SMARCAD1: variants seen among roughly 807,000 people sequenced by gnomAD.
SMARCAD1 encodes the protein SWI/SNF-related matrix-associated actin-dependent regulator of chromatin subfamily A containing DEAD/H box 1.
In SMARCAD1, 25 loss-of-function variants were observed where a neutral mutation model predicts 127.1. The ratio of observed to expected loss-of-function variants is 0.20; its 90% CI spans 0.14 to 0.27. The LOEUF (loss-of-function observed/expected upper bound fraction) is 0.27. Ranked by LOEUF, SMARCAD1 falls within the 10% of genes least tolerant of loss-of-function variation. The pLI, the probability that SMARCAD1 is intolerant of heterozygous loss-of-function variation, is 1.00. For synonymous variants in SMARCAD1, 400 were observed against 396.9 expected (o/e 1.01, Z -0.09); for missense variants, 807 against 1,206.0 (o/e 0.67, Z 4.90).
Position 94,288,813 on chromosome 4 carries a change from T to C in SMARCAD1, c.3020-660T>C, listed in dbSNP as rs116456149. Among the ~76,000 whole-genome samples the C allele has an allele frequency of 8.4e-3, 1,281 of 152,304 alleles. 15 individuals carry two copies. The highest frequency in any genetic ancestry group is 0.029 in the African/African-American group (1,207 of 41,570). ...GTAAATTAATCAACTCATCTCAAAATATTCTCAGTGCTAAATTGAATTAAT... is the reference window on the plus strand; with the variant it reads ...GTAAATTAATCAACTCATCTCAAAACATTCTCAGTGCTAAATTGAATTAAT... On this transcript the variant is annotated intron_variant, in intron 23 of 23. Coordinates refer to ENST00000354268, the MANE Select transcript of SMARCAD1 (RefSeq NM_020159.5).
Position 94,278,508 on chromosome 4 carries a change from A to G in SMARCAD1, c.2169A>G (p.Val723=). 1.2e-6 allele frequency: 2 copies of G among 1,612,864 alleles called. No homozygotes were observed. Among genetic ancestry groups the G allele is most frequent in the Middle Eastern group, 1.7e-4 (1 of 6,052 alleles). Reference sequence around the variant, plus strand: ...TAAAGCCATTTATTCTCAGAAGAGTAAAAGAAGAGGTAATGCATATCTACA... The same window carrying G: ...TAAAGCCATTTATTCTCAGAAGAGTGAAAGAAGAGGTAATGCATATCTACA... ...QIIKPFILRR[V]KEEVLKQLPP... Residue 723 remains valine (V), a synonymous_variant, in exon 17 of 24, where the codon GTA becomes GTG. Transcript: ENST00000354268.
chr4:94,254,917 C>T (rs1359396507), intron 9 of SMARCAD1, among the ~76,000 whole-genome samples: 2 of 151,852 alleles, frequency 1.3e-5, no homozygotes, highest in African/African-American at 4.8e-5. Flanking sequence ...TTTTTTAGCC[C>T]AAACCCTACC....
At chr4:94,236,644 T>G (rs1227301066) in intron 4 of SMARCAD1, among the ~76,000 whole-genome samples, 1 of 152,166 alleles carries the variant, frequency 6.6e-6, no homozygotes, top group Non-Finnish European at 1.5e-5. Context: ...GTAGGAAGTT[T>G]TGTGTAAAAC....
chr4:94,218,732 A>G (rs974980410), intron 2 of SMARCAD1, among the ~76,000 whole-genome samples: 2 of 152,138 alleles, frequency 1.3e-5, no homozygotes, highest in Non-Finnish European at 2.9e-5. Flanking sequence ...AGTTTGATTC[A>G]TCTTTTATTA....
rs565718137 is a variant in SMARCAD1 at position 94,267,678 on chromosome 4, C to T, written c.1481+2772C>T. On this transcript the variant is annotated intron_variant, in intron 10 of 23. Transcript: ENST00000354268. ...AATAGCCTGTTGCCTCATTTTCTTTCATTATCTCAGAAAATCTTTAAATCA... is the reference window on the plus strand; with the variant it reads ...AATAGCCTGTTGCCTCATTTTCTTTTATTATCTCAGAAAATCTTTAAATCA... 1.3e-4 allele frequency among the ~76,000 whole-genome samples: 20 copies of T among 152,104 alleles called. No homozygotes were observed. In the East Asian group the frequency reaches 2.9e-3, roughly 22 times the overall value.
At chr4:94,260,376 C>T (rs964944977) in intron 9 of SMARCAD1, among the ~76,000 whole-genome samples, 2 of 152,104 alleles carry the variant, frequency 1.3e-5, no homozygotes, top group Non-Finnish European at 2.9e-5. Context: ...CAGTCTCTCG[C>T]TCTGTCACTC....
chr4:94,280,539 ATAT>A (rs1753873814), intron 19 of SMARCAD1, 50 bp from the exon 20 acceptor site: 1 of 1,465,092 alleles, frequency 6.8e-7, no homozygotes, highest in Non-Finnish European at 9.5e-7. Context: ...TTTTCTCATC[ATAT>A]TATTAATTAT....
At chr4:94,274,605 C>G in intron 12 of SMARCAD1, 133 bp from the exon 13 acceptor site, 1 of 876,986 alleles carries the variant, frequency 1.1e-6, no homozygotes, top group Non-Finnish European at 1.9e-6. Context: ...GCATGAGCCA[C>G]CTTGCTGGGC....
At chr4:94,241,113 T>C (rs1747512021) in intron 6 of SMARCAD1, 107 bp downstream of exon 6, 1 of 763,852 alleles carries the variant, frequency 1.3e-6, no homozygotes, top group African/African-American at 1.7e-5. Context: ...TGAATTCCTT[T>C]CTATCACAAC....
At chr4:94,231,059 T>C (rs549692751) in intron 3 of SMARCAD1, among the ~76,000 whole-genome samples, 2 of 152,314 alleles carry the variant, frequency 1.3e-5, no homozygotes, top group East Asian at 1.9e-4. Flanking sequence ...ACAGTTTCAC[T>C]GAGTTGTTGT....
At chr4:94,276,962 A>G (rs1753399577) in intron 15 of SMARCAD1, 60 bp from the exon 16 acceptor site, 2 of 1,576,526 alleles carry the variant, frequency 1.3e-6, no homozygotes, top group Non-Finnish European at 1.7e-6. Context: ...TGGGGAGGAT[A>G]GACATGAAAG....
rs992812850 is a variant in SMARCAD1, at chr4:94,291,208, C to G, written c.*1674C>G. 2.2e-6 allele frequency: 1 copy of G among 453,770 alleles called. No individual in the cohort carries two copies. Among genetic ancestry groups the G allele is most frequent in the African/African-American group, 2.0e-5 (1 of 49,924 alleles). 28.1% of individuals were successfully genotyped at this position (453,770 alleles called of 1,614,324 possible). A position where few individuals can be genotyped will look rare whatever the true frequency, so the allele number is the denominator to read the frequency against. On this transcript the variant is annotated 3_prime_UTR_variant, in exon 24 of 24. Coordinates refer to ENST00000354268, the MANE Select transcript of SMARCAD1 (RefSeq NM_020159.5). Reference sequence around the variant, plus strand: ...TATTGTTGTTGTTGTTATATCCATACTTTTATCTCTAATGAAATGTAGTTG... The same window carrying G: ...TATTGTTGTTGTTGTTATATCCATAGTTTTATCTCTAATGAAATGTAGTTG...
intron 2 of SMARCAD1, among the ~76,000 whole-genome samples, chr4:94,210,121 T>C (rs903523334): frequency 2.0e-5 from 3 of 152,224 alleles, no homozygotes; most frequent in Non-Finnish European, 2.9e-5. Flanking sequence ...TCAGAAGATA[T>C]TTTTCTGTTT....
Position 94,290,101 on chromosome 4 carries a change from C to T in SMARCAD1, c.*567C>T, listed in dbSNP as rs1413150324. The T allele has an allele frequency of 2.2e-6, 1 of 454,494 alleles. No homozygotes were observed. Among genetic ancestry groups the T allele is most frequent in the Admixed American group, 2.3e-5 (1 of 42,566 alleles). 28.2% of individuals were successfully genotyped at this position (454,494 alleles called of 1,614,324 possible). On this transcript the variant is annotated 3_prime_UTR_variant, in exon 24 of 24. Coordinates refer to ENST00000354268, the MANE Select transcript of SMARCAD1 (RefSeq NM_020159.5). ...GAATTTAAAGGTGGCATTCCATATACTAACATCCCCCAGGTCCTCTCAAGT... is the reference window on the plus strand; with the variant it reads ...GAATTTAAAGGTGGCATTCCATATATTAACATCCCCCAGGTCCTCTCAAGT...
intron 5 of SMARCAD1, among the ~76,000 whole-genome samples, chr4:94,237,242 G>A (rs1230501228): frequency 6.6e-6 from 1 of 152,050 alleles, no homozygotes; most frequent in Non-Finnish European, 1.5e-5. Context: ...GTGAAGTTTT[G>A]TAGGATATAT....
intron 3 of SMARCAD1, among the ~76,000 whole-genome samples, chr4:94,231,559 T>G (rs768025844): frequency 6.6e-6 from 1 of 152,216 alleles, no homozygotes; most frequent in Non-Finnish European, 1.5e-5. Flanking sequence ...TTTTCCTTAT[T>G]TGTTTATTGT....
At chr4:94,245,064 T>G (rs1748209361) in intron 6 of SMARCAD1, among the ~76,000 whole-genome samples, 1 of 152,232 alleles carries the variant, frequency 6.6e-6, no homozygotes. Context: ...GTGTTATGTG[T>G]GGCAGAAAAT....
At chr4:94,277,339 A>T (rs1243199524) in intron 16 of SMARCAD1, among the ~76,000 whole-genome samples, 180 bp downstream of exon 16, 1 of 152,130 alleles carries the variant, frequency 6.6e-6, no homozygotes, top group Non-Finnish European at 1.5e-5. Flanking sequence ...GGGAAAGAAA[A>T]TAGCAATTTC....
rs1755583540 is a variant in SMARCAD1 at position 94,290,794 on chromosome 4, T to C, written c.*1260T>C. 4.6e-6 allele frequency: 2 copies of C among 431,564 alleles called. No homozygotes were observed. The highest frequency in any genetic ancestry group is 9.1e-6 in the Non-Finnish European group (2 of 219,152). The allele number at this position is 431,564 out of a possible 1,614,324, so 26.7% of individuals were successfully genotyped here. ...TTTTGTTTTTATTATGTAAATATCA[T>C]TATAAATAAACTTATTTATAAATCA... is the stretch of plus-strand genomic sequence containing the variant. On this transcript the variant is annotated 3_prime_UTR_variant, in exon 24 of 24. Transcript: ENST00000354268.
Sources: allele counts gnomAD v4.1 joint callset (sites outside exome capture counted in the v4.1 genomes callset), GRCh38; gene constraint gnomAD v4.1.1; transcripts MANE v1.5; gene names NCBI Gene and HGNC (gene_info 2026-07-23, HGNC 2026-07-21).